CENPI: variants seen among roughly 807,000 people sequenced by gnomAD.
CENPI encodes FSH primary response 1.
CENPI carries 4 observed loss-of-function variants against 60.4 expected under a neutral mutation model. The ratio of observed to expected loss-of-function variants is 0.07; its 90% CI spans 0.03 to 0.15. The LOEUF is 0.15. Among genes scored for constraint, CENPI ranks in the 10% least tolerant of loss-of-function variants. The probability of loss-of-function intolerance (pLI) is 1.00; values close to 1 mark genes in which losing one functional copy is unlikely to be tolerated. For synonymous variants in CENPI, 157 were observed against 189.4 expected (o/e 0.83, Z 1.40); for missense variants, 444 against 534.5 (o/e 0.83, Z 1.67).
intron 20 of CENPI, among the ~76,000 whole-genome samples, chrX:101,154,289 C>T (rs1372768716): frequency 9.0e-6 from 1 of 111,432 alleles, no homozygotes; most frequent in Non-Finnish European, 1.9e-5. Flanking sequence ...GAATCCAGGC[C>T]GGGCATGGTG....
At position 101,163,497 on chromosome X, in the gene CENPI, G is replaced by A. The variant is rs1034593732; in HGVS notation, c.*530G>A. The A allele has an allele frequency of 8.4e-6, 1 of 118,444 alleles. No individual in the cohort carries two copies. Among genetic ancestry groups the A allele is most frequent in the African/African-American group, 3.3e-5 (1 of 30,696 alleles). 9.8% of individuals were successfully genotyped at this position (118,444 alleles called of 1,213,427 possible). A position where few individuals can be genotyped will look rare whatever the true frequency, so the allele number is the denominator to read the frequency against. ...CAATCATAGCAATTTGATGAGGGAA[G>A]GAAGGGGAGAGGATTTGTTGGGTAA... On this transcript the variant is annotated 3_prime_UTR_variant, in exon 22 of 22. Transcript: ENST00000682095.
At chrX:101,109,439 A>T in intron 4 of CENPI, 34 bp from the exon 5 acceptor site, 2 of 1,030,579 alleles carry the variant, frequency 1.9e-6, no homozygotes, top group South Asian at 3.9e-5. Flanking sequence ...CGAGACACTA[A>T]AATGTAGTTT....
chrX:101,146,016 T>G, intron 17 of CENPI, 137 bp from the exon 18 acceptor site: 1 of 456,927 alleles, frequency 2.2e-6, no homozygotes, highest in Non-Finnish European at 3.5e-6. Flanking sequence ...AGCTTGTAGA[T>G]GTTTATTTAG....
chrX:101,111,288 A>T (rs895645791), intron 6 of CENPI, among the ~76,000 whole-genome samples: 2 of 111,308 alleles, frequency 1.8e-5, no homozygotes, highest in Non-Finnish European at 3.8e-5. Flanking sequence ...GTCCTAGACA[A>T]GAAATTCTCA....
chrX:101,159,397 C>T (rs1021361046), intron 20 of CENPI, among the ~76,000 whole-genome samples: 1 of 109,747 alleles, frequency 9.1e-6, no homozygotes, highest in Non-Finnish European at 1.9e-5. Context: ...CTCCTGACCT[C>T]GTGATCAGCC....
chrX:101,109,944 G>A lies in CENPI; in HGVS notation c.537G>A (p.Glu179=). ...TGTTTGACTTCATTGATCGTAAGGA[G>A]CAAATTAACTTGCTCTATGGCTTCT... ...VAMFDFIDRK[E]QINLLYGFFF... is the part of the protein sequence containing the mutation. The change falls in exon 6 of 22, where the codon GAG becomes GAA. Residue 179 remains glutamate (E), a synonymous_variant. Transcript: ENST00000682095. 8.3e-7 allele frequency: 1 copy of A among 1,208,250 alleles called. No homozygotes were observed.
At chrX:101,120,831 G>T (rs373809896) in intron 8 of CENPI, 47 bp downstream of exon 8, 85 of 1,010,886 alleles carry the variant, frequency 8.4e-5, no homozygotes, top group Non-Finnish European at 1.1e-4. Flanking sequence ...TATGTGCCAG[G>T]TACTGAGCCA....
intron 4 of CENPI, among the ~76,000 whole-genome samples, chrX:101,103,150 C>T (rs770889745): frequency 6.5e-5 from 7 of 107,395 alleles, no homozygotes; most frequent in South Asian, 8.3e-4. Flanking sequence ...CCTGCCACCA[C>T]GCCCGGCTAA....
At chrX:101,106,227 C>G (rs1175023689) in intron 4 of CENPI, among the ~76,000 whole-genome samples, 2 of 111,217 alleles carry the variant, frequency 1.8e-5, no homozygotes, top group Non-Finnish European at 3.8e-5. Flanking sequence ...AGAAAGAAAA[C>G]AAGAAAAACA....
chrX:101,121,735 G>A (rs2089680454), intron 8 of CENPI, among the ~76,000 whole-genome samples: 2 of 109,553 alleles, frequency 1.8e-5, no homozygotes, highest in Admixed American at 2.0e-4. Context: ...TGGTATGGCT[G>A]GAACAGTAAG....
chrX:101,172,550 G>T, the CENPI span, among the ~76,000 whole-genome samples: 7 of 111,364 alleles, frequency 6.3e-5, no homozygotes, highest in Non-Finnish European at 3.8e-5. Flanking sequence ...CATATTTTGT[G>T]GTTCTATTTA....
intron 6 of CENPI, among the ~76,000 whole-genome samples, chrX:101,117,677 T>C (rs2089637453): frequency 9.0e-6 from 1 of 111,170 alleles, no homozygotes; most frequent in African/African-American, 3.3e-5. Context: ...CAGTTTTTTA[T>C]TATAATAGAT....
intron 20 of CENPI, among the ~76,000 whole-genome samples, chrX:101,160,375 C>CTTT (rs763855508): frequency 7.4e-5 from 6 of 81,418 alleles, no homozygotes; most frequent in Admixed American, 1.5e-4. Flanking sequence ...GCTTTTAGTT[C>CTTT]TTTTTTTTTT....
chrX:101,132,360 G>A, intron 14 of CENPI, 32 bp from the exon 15 acceptor site: 1 of 1,198,647 alleles, frequency 8.3e-7, no homozygotes, highest in Non-Finnish European at 1.1e-6. Flanking sequence ...ATGATTGAAA[G>A]GATTTTGAAT....
intron 20 of CENPI, among the ~76,000 whole-genome samples, chrX:101,152,126 G>A (rs113706408): frequency 0.2 from 21,873 of 109,169 alleles, 1,692 homozygotes; most frequent in South Asian, 0.34. Context: ...GTGCAATGGC[G>A]CGATCTTGGC....
intron 20 of CENPI, among the ~76,000 whole-genome samples, chrX:101,154,016 C>T (rs1473612105): frequency 8.9e-6 from 1 of 111,876 alleles, no homozygotes; most frequent in Non-Finnish European, 1.9e-5. Flanking sequence ...GAAAAGGCTA[C>T]TCTTTCCCAT....
chrX:101,138,976 G>T (rs185334530), intron 15 of CENPI, among the ~76,000 whole-genome samples: 1 of 99,962 alleles, frequency 1.0e-5, no homozygotes, highest in African/African-American at 3.7e-5. Context: ...TTTAGTAGAG[G>T]CGGGGTTTCA....
chrX:101,112,419 A>T (rs2089564913), intron 6 of CENPI, among the ~76,000 whole-genome samples: 1 of 112,107 alleles, frequency 8.9e-6, no homozygotes, highest in African/African-American at 3.2e-5. Flanking sequence ...AAAATACAAG[A>T]TACATCAATG....
intron 20 of CENPI, among the ~76,000 whole-genome samples, chrX:101,158,983 C>T (rs751051633): frequency 4.3e-4 from 47 of 110,124 alleles, no homozygotes; most frequent in African/African-American, 1.4e-3. Flanking sequence ...AGAAGAGGCT[C>T]GAGTGGAAAC....
Sources: allele counts gnomAD v4.1 joint callset (sites outside exome capture counted in the v4.1 genomes callset), GRCh38; gene constraint gnomAD v4.1.1; transcripts MANE v1.5; gene names NCBI Gene and HGNC (gene_info 2026-07-23, HGNC 2026-07-21).